NRXN3: variants seen among roughly 807,000 people sequenced by gnomAD.
NRXN3 encodes the protein neurexin III.
A neutral mutation model predicts 137.6 loss-of-function variants in NRXN3; 32 were observed. The ratio of observed to expected loss-of-function variants is 0.23; its 90% CI spans 0.18 to 0.31. NRXN3 has a LOEUF of 0.31. NRXN3 is among the 10% of genes least tolerant of loss of function. The pLI is 1.00. For missense variants in NRXN3, 1,574 were observed against 2,062.5 expected (o/e 0.76, Z 4.59); for synonymous variants, 798 against 784.5 (o/e 1.02, Z -0.29).
At chr14:79,253,797 T>C (rs7494074) in intron 15 of NRXN3, among the ~76,000 whole-genome samples, 8,092 of 152,242 alleles carry the variant, frequency 0.053, 576 homozygotes, top group African/African-American at 0.16. Flanking sequence ...CCCCACAATC[T>C]AATCACCTCC....
At chr14:79,580,377 A>G (rs11851407) in intron 16 of NRXN3, among the ~76,000 whole-genome samples, 19,936 of 151,928 alleles carry the variant, frequency 0.13, 1,457 homozygotes, top group South Asian at 0.22. Flanking sequence ...GGAAAGCAGA[A>G]TTAAATTTTC....
chr14:79,625,695 C>T (rs1345026443), intron 16 of NRXN3, among the ~76,000 whole-genome samples: 1 of 152,194 alleles, frequency 6.6e-6, no homozygotes, highest in Non-Finnish European at 1.5e-5. Context: ...CTCTATGAAA[C>T]CTCTCCAGAT....
At chr14:78,520,774 G>C (rs2096273529) in intron 4 of NRXN3, among the ~76,000 whole-genome samples, 1 of 152,136 alleles carries the variant, frequency 6.6e-6, no homozygotes, top group Non-Finnish European at 1.5e-5. Flanking sequence ...TACTGGATAG[G>C]TTGGAAGGTT....
In NRXN3 at chr14:79,844,533, G is replaced by C. The variant is rs1426306035; in HGVS notation, c.4094-16809G>C. Among the ~76,000 whole-genome samples the C allele has an allele frequency of 5.9e-5, 9 of 151,986 alleles. 1 individual carries two copies. The highest frequency in any genetic ancestry group is 5.9e-4 in the Admixed American group (9 of 15,254). ...GTTAGCAGGCACGAAAACAATGTTAGTCTCCTTGTATATCTCCATCAGAGC... is the reference window on the plus strand; with the variant it reads ...GTTAGCAGGCACGAAAACAATGTTACTCTCCTTGTATATCTCCATCAGAGC... On this transcript the variant is annotated intron_variant, in intron 20 of 20. Coordinates refer to ENST00000335750, the MANE Select transcript of NRXN3 (RefSeq NM_001330195.2).
At chr14:79,284,490 C>G (rs1051277378) in intron 15 of NRXN3, among the ~76,000 whole-genome samples, 1 of 151,170 alleles carries the variant, frequency 6.6e-6, no homozygotes, top group Non-Finnish European at 1.5e-5. Flanking sequence ...ATGCTATTCT[C>G]TATAAAACAG....
At chr14:79,637,729 C>CTTTTTTTTTTT (rs554654576) in intron 16 of NRXN3, among the ~76,000 whole-genome samples, 2,185 of 95,464 alleles carry the variant, frequency 0.023, 571 homozygotes, top group East Asian at 0.11. Context: ...TAGAAAAGTT[C>CTTTTTTTTTTT]TTTTTTTTTT....
chr14:79,090,941 C>T (rs2049043307), intron 15 of NRXN3, among the ~76,000 whole-genome samples: 1 of 152,074 alleles, frequency 6.6e-6, no homozygotes, highest in South Asian at 2.1e-4. Context: ...CAGAAAACAG[C>T]AGATGTCCCA....
intron 15 of NRXN3, among the ~76,000 whole-genome samples, chr14:79,078,656 G>T (rs984548576): frequency 1.3e-5 from 2 of 152,118 alleles, no homozygotes; most frequent in Non-Finnish European, 2.9e-5. Flanking sequence ...GTTTGTCCCT[G>T]CCATGTGATA....
chr14:79,655,362 T>C (rs945020766), intron 16 of NRXN3, among the ~76,000 whole-genome samples: 48 of 152,164 alleles, frequency 3.2e-4, no homozygotes, highest in African/African-American at 1.1e-3. Context: ...TAGGGGACAG[T>C]CGGAGAGCTT....
At chr14:78,982,953 C>G (rs1275888269) in intron 14 of NRXN3, among the ~76,000 whole-genome samples, 1 of 151,636 alleles carries the variant, frequency 6.6e-6, no homozygotes, top group Non-Finnish European at 1.5e-5. Context: ...AAACAAATAC[C>G]CCAATCAAAA....
intron 16 of NRXN3, among the ~76,000 whole-genome samples, chr14:79,645,635 T>A (rs79676709): frequency 0.015 from 2,057 of 133,868 alleles, 176 homozygotes; most frequent in African/African-American, 0.048. Context: ...AAAAAAGTTT[T>A]TTTCGTGTCG....
At chr14:79,479,105 C>T (rs894915797) in intron 16 of NRXN3, among the ~76,000 whole-genome samples, 6 of 152,104 alleles carry the variant, frequency 3.9e-5, no homozygotes, top group Admixed American at 6.6e-5. Context: ...TAGCTACAAA[C>T]GTTACTAAAT....
chr14:79,651,079 G>T (rs2098473615), intron 16 of NRXN3, among the ~76,000 whole-genome samples: 1 of 152,206 alleles, frequency 6.6e-6, no homozygotes, highest in Non-Finnish European at 1.5e-5. Context: ...CTGGTAATAG[G>T]ATGGATCAGT....
At chr14:79,084,740 C>A (rs751723417) in intron 15 of NRXN3, among the ~76,000 whole-genome samples, 1 of 152,008 alleles carries the variant, frequency 6.6e-6, no homozygotes, top group African/African-American at 2.4e-5. Context: ...AGTCATCAAT[C>A]GTATTGATTT....
intron 15 of NRXN3, among the ~76,000 whole-genome samples, chr14:79,127,286 T>C (rs2056684263): frequency 6.6e-6 from 1 of 152,212 alleles, no homozygotes; most frequent in African/African-American, 2.4e-5. Context: ...CTAGGTTTTC[T>C]TCTAGGGTTT....
chr14:78,860,379 C>G (rs1017307896), intron 10 of NRXN3, among the ~76,000 whole-genome samples: 3 of 152,004 alleles, frequency 2.0e-5, no homozygotes, highest in Non-Finnish European at 2.9e-5. Flanking sequence ...CCCTCTATGC[C>G]CTCCATCTTA....
At chr14:79,610,558 G>A (rs536331890) in intron 16 of NRXN3, among the ~76,000 whole-genome samples, 3 of 152,272 alleles carry the variant, frequency 2.0e-5, no homozygotes, top group African/African-American at 7.2e-5. Flanking sequence ...TAAATATGAA[G>A]GTCAGAAAGC....
intron 17 of NRXN3, among the ~76,000 whole-genome samples, chr14:79,664,318 C>A (rs552093760): frequency 6.6e-6 from 1 of 152,112 alleles, no homozygotes; most frequent in Non-Finnish European, 1.5e-5. Flanking sequence ...GAGACCCAGA[C>A]TTTGTGGTGC....
intron 19 of NRXN3, among the ~76,000 whole-genome samples, chr14:79,798,031 G>T (rs1202182406): frequency 2.0e-5 from 3 of 151,714 alleles, no homozygotes; most frequent in Non-Finnish European, 4.4e-5. Context: ...GCCCAAGGAG[G>T]TCAAGGCTGC....
Sources: gnomAD v4.1 joint callset for allele counts (sites outside exome capture counted in the v4.1 genomes callset) on GRCh38, gnomAD v4.1.1 for gene constraint, MANE v1.5 for transcripts, NCBI Gene and HGNC (gene_info 2026-07-23, HGNC 2026-07-21) for gene names.